BORCS5: variants seen among roughly 807,000 people sequenced by gnomAD.
BORCS5 encodes BLOC-1 related complex subunit 5, also known as BLOC-1-related complex subunit 5.
BORCS5 carries 17 observed loss-of-function variants against 22.1 expected under a neutral mutation model. The ratio of observed to expected loss-of-function variants is 0.77; its 90% CI spans 0.53 to 1.15. The LOEUF (loss-of-function observed/expected upper bound fraction) is 1.15, where lower values mean the gene tolerates loss of function less well. BORCS5 is among the 50% of genes most tolerant of loss of function. The probability of loss-of-function intolerance (pLI) is 0.00; values close to 1 mark genes in which losing one functional copy is unlikely to be tolerated. For synonymous variants in BORCS5, 117 were observed against 99.8 expected, an observed-to-expected ratio of 1.17 and a Z score of -1.03; for missense variants, 247 against 253.2, an observed-to-expected ratio of 0.98 and a Z score of 0.17.
At chr12:12,433,268 TGAG>T (rs1401364742) in intron 2 of BORCS5, among the ~76,000 whole-genome samples, 3 of 135,906 alleles carry the variant, frequency 2.2e-5, no homozygotes, top group African/African-American at 8.4e-5. Context: ...TTCAGTGAGC[TGAG>T]GAGATCATTC....
intron 1 of BORCS5, among the ~76,000 whole-genome samples, chr12:12,358,209 C>G (rs1338117481): frequency 6.6e-6 from 1 of 152,212 alleles, no homozygotes; most frequent in Non-Finnish European, 1.5e-5. Flanking sequence ...GTTACCCACA[C>G]GCTAGGACAG....
chr12:12,384,299 A>G (rs1008478068), intron 2 of BORCS5, among the ~76,000 whole-genome samples: 5 of 150,542 alleles, frequency 3.3e-5, no homozygotes, highest in Admixed American at 2.7e-4. Context: ...TAAAATATAT[A>G]TATAATTTCT....
chr12:12,366,018 T>A (rs1863399535), intron 2 of BORCS5, among the ~76,000 whole-genome samples: 1 of 151,906 alleles, frequency 6.6e-6, no homozygotes, highest in African/African-American at 2.4e-5. Flanking sequence ...TTGTTCTGCC[T>A]GATAATTAAA....
Position 12,410,895 on chromosome 12 carries a change from T to G in BORCS5, c.203-24733T>G, listed in dbSNP as rs557191775. On this transcript the variant is annotated intron_variant, in intron 2 of 3. Coordinates refer to ENST00000314565, the MANE Select transcript of BORCS5 (RefSeq NM_058169.6). ...TCTTCCATTTGTTTGTGTGTTCTTT[T>G]ATTTTATTGAGCAGTGGTTTGTACT... is the stretch of plus-strand genomic sequence containing the variant. 2.7e-5 allele frequency among the ~76,000 whole-genome samples: 4 copies of G among 147,698 alleles called. No individual in the cohort carries two copies. The East Asian group carries it at 7.7e-4, about 29-fold the overall frequency.
At chr12:12,414,308 G>A (rs1203677129) in intron 2 of BORCS5, among the ~76,000 whole-genome samples, 16 of 71,448 alleles carry the variant, frequency 2.2e-4, no homozygotes, top group African/African-American at 7.8e-4. Flanking sequence ...CTCACCTCCC[G>A]GACGGGGCGG....
chr12:12,452,539 A>G (rs1215309172), intron 3 of BORCS5: 1 of 370,570 alleles, frequency 2.7e-6, no homozygotes, highest in East Asian at 7.7e-5. Flanking sequence ...GCCGGCGCGC[A>G]AGCCTCGCCT....
chr12:12,449,620 T>C (rs558474411), intron 3 of BORCS5, among the ~76,000 whole-genome samples: 72 of 152,336 alleles, frequency 4.7e-4, no homozygotes, highest in Non-Finnish European at 8.2e-4. Context: ...CGTTCTGATA[T>C]CGCTTAATTC....
chr12:12,425,264 A>T (rs1395841151), intron 2 of BORCS5, among the ~76,000 whole-genome samples: 1 of 152,198 alleles, frequency 6.6e-6, no homozygotes, highest in Non-Finnish European at 1.5e-5. Context: ...CTTCCTCTGG[A>T]TGTTGCAAGC....
chr12:12,460,811 T>G (rs930756378), intron 3 of BORCS5, among the ~76,000 whole-genome samples: 1 of 152,248 alleles, frequency 6.6e-6, no homozygotes, highest in Non-Finnish European at 1.5e-5. Flanking sequence ...GTCGAAAAAG[T>G]GTGTCTCCTT....
At chr12:12,389,868 T>G (rs577264002) in intron 2 of BORCS5, among the ~76,000 whole-genome samples, 1 of 152,102 alleles carries the variant, frequency 6.6e-6, no homozygotes, top group Non-Finnish European at 1.5e-5. Context: ...TATCTTGAAC[T>G]CTTGACCTCA....
chr12:12,415,541 AAG>A (rs2136095577), intron 2 of BORCS5, among the ~76,000 whole-genome samples: 3 of 32,878 alleles, frequency 9.1e-5, no homozygotes, highest in Admixed American at 8.3e-4. Context: ...GAGACCGTGG[AAG>A]GAGACCGTGG....
intron 3 of BORCS5, among the ~76,000 whole-genome samples, chr12:12,437,536 C>G (rs1051868207): frequency 6.6e-6 from 1 of 152,110 alleles, no homozygotes; most frequent in African/African-American, 2.4e-5. Context: ...AAAACTAGTC[C>G]CATATAAAGA....
Position 12,361,267 on chromosome 12 carries a change from C to T in BORCS5, c.120C>T (p.Gly40=). Residue 40 remains glycine, a synonymous_variant, in exon 2 of 4, where the codon GGC becomes GGT. Transcript: ENST00000314565. ...KMDDIVVVAQ[G]SQASRNVSND... ...ATGATATTGTGGTTGTAGCTCAGGG[C>T]TCCCAGGCCTCACGGAACGTCAGCA... The T allele has an allele frequency of 6.2e-7, 1 of 1,614,146 alleles. No individual in the cohort carries two copies. The highest frequency in any genetic ancestry group is 8.5e-7 in the Non-Finnish European group (1 of 1,180,012).
chr12:12,432,579 C>T (rs1275381077), intron 2 of BORCS5, among the ~76,000 whole-genome samples: 1 of 152,206 alleles, frequency 6.6e-6, no homozygotes, highest in African/African-American at 2.4e-5. Context: ...CATGACTGCT[C>T]ACAGCAGACT....
chr12:12,398,585 GGCCCCTGTA>G (rs1228690112), intron 2 of BORCS5, among the ~76,000 whole-genome samples: 1 of 152,156 alleles, frequency 6.6e-6, no homozygotes, highest in African/African-American at 2.4e-5. Context: ...AGGGAAGAAT[GGCCCCTGTA>G]GCTCTTTTGG....
chr12:12,398,156 GA>G (rs1334490334), intron 2 of BORCS5, among the ~76,000 whole-genome samples: 2 of 152,176 alleles, frequency 1.3e-5, no homozygotes, highest in African/African-American at 4.8e-5. Flanking sequence ...AAGTGACAGG[GA>G]AAACAATGCA....
At position 12,357,143 on chromosome 12, in the gene BORCS5, C is replaced by A; in HGVS notation, c.-309C>A. The stretch of plus-strand genomic sequence containing the variant: ...AGTGAGTGAAAGCGGCGCCGCCCGC[C>A]GGCCGCAGGTGCGGCAAAGCCAGTG... On this transcript the variant is annotated 5_prime_UTR_variant, in exon 1 of 4. Coordinates refer to ENST00000314565, the MANE Select transcript of BORCS5 (RefSeq NM_058169.6). 1 of 1,533,398 alleles carries A rather than the reference C, an allele frequency of 6.5e-7. No homozygotes were observed. Among genetic ancestry groups the A allele is most frequent in the Non-Finnish European group, 8.7e-7 (1 of 1,145,778 alleles). 95.0% of individuals were successfully genotyped at this position (1,533,398 alleles called of 1,614,324 possible). A position where few individuals can be genotyped will look rare whatever the true frequency, so the allele number is the denominator to read the frequency against.
At chr12:12,361,894 C>G (rs986581754) in intron 2 of BORCS5, among the ~76,000 whole-genome samples, 5 of 152,130 alleles carry the variant, frequency 3.3e-5, no homozygotes, top group Admixed American at 2.0e-4. Context: ...GATTACCCAC[C>G]CAATTAGCAT....
Position 12,415,664 on chromosome 12 carries a change from T to C in BORCS5, c.203-19964T>C, listed in dbSNP as rs78960920. Among the ~76,000 whole-genome samples the C allele has an allele frequency of 9.9e-5, 15 of 151,858 alleles. No individual in the cohort carries two copies. In the East Asian group the frequency reaches 2.9e-3, roughly 29 times the overall value. ...TTCGTGTGTTGAATCATCCTTGTGT[T>C]CCAGGAATAAATCTCACTTGGTCAT... On this transcript the variant is annotated intron_variant, in intron 2 of 3. Transcript: ENST00000314565.
Sources: allele counts gnomAD v4.1 joint callset (sites outside exome capture counted in the v4.1 genomes callset), GRCh38; gene constraint gnomAD v4.1.1; transcripts MANE v1.5; gene names NCBI Gene and HGNC (gene_info 2026-07-23, HGNC 2026-07-21).